PTPRD: variants seen among roughly 807,000 people sequenced by gnomAD.
The protein encoded by PTPRD is protein tyrosine phosphatase receptor type D.
Under a neutral mutation model 214.5 loss-of-function variants are expected in PTPRD, and 34 were observed. The observed-to-expected ratio is 0.16, with a 90% confidence interval of 0.12 to 0.21. The LOEUF (loss-of-function observed/expected upper bound fraction) is 0.21. Ranked by LOEUF, PTPRD falls within the 10% of genes least tolerant of loss-of-function variation. PTPRD has a pLI of 1.00. For missense variants in PTPRD, 2,545 were observed against 2,398.7 expected (o/e 1.06, Z -1.27); for synonymous variants, 1,128 against 845.7 (o/e 1.33, Z -5.79).
chr9:8,332,517 C>G (rs1842478522), intron 43 of PTPRD, among the ~76,000 whole-genome samples: 1 of 147,206 alleles, frequency 6.8e-6, no homozygotes, highest in African/African-American at 2.4e-5. Flanking sequence ...CTGTGGAGAG[C>G]TTTAACATAG....
At chr9:10,242,718 G>C (rs2091339302) in intron 3 of PTPRD, among the ~76,000 whole-genome samples, 1 of 150,470 alleles carries the variant, frequency 6.6e-6, no homozygotes, top group South Asian at 2.1e-4. Context: ...CTAGGGCTTA[G>C]ATTAGATCAA....
intron 3 of PTPRD, among the ~76,000 whole-genome samples, chr9:10,321,723 TTA>T (rs1228584757): frequency 1.3e-5 from 2 of 152,008 alleles, no homozygotes; most frequent in Non-Finnish European, 2.9e-5. Context: ...TAGGTCACAT[TTA>T]TGTTTGAAAC....
chr9:10,451,165 A>G (rs2098839103), intron 2 of PTPRD, among the ~76,000 whole-genome samples: 1 of 151,998 alleles, frequency 6.6e-6, no homozygotes, highest in Admixed American at 6.5e-5. Context: ...AGTTTAAAAC[A>G]CCTCAAGTGG....
At chr9:9,297,529 A>C (rs1263703435) in intron 9 of PTPRD, among the ~76,000 whole-genome samples, 1 of 151,706 alleles carries the variant, frequency 6.6e-6, no homozygotes, top group Non-Finnish European at 1.5e-5. Context: ...CTATCTTCCA[A>C]AAAGACATAT....
chr9:8,340,034 C>G (rs1421427183), intron 42 of PTPRD, among the ~76,000 whole-genome samples: 1 of 152,020 alleles, frequency 6.6e-6, no homozygotes, highest in Non-Finnish European at 1.5e-5. Context: ...CTGTCCAGAA[C>G]AAAAGGCAGT....
chr9:8,427,693 A>T (rs55922102), intron 35 of PTPRD, among the ~76,000 whole-genome samples: 11,057 of 150,326 alleles, frequency 0.074, 629 homozygotes, highest in African/African-American at 0.16. Flanking sequence ...TATTATTATT[A>T]TTTTTTTTTA....
At chr9:8,708,679 CAAAAAA>C (rs765081509) in intron 12 of PTPRD, among the ~76,000 whole-genome samples, 1 of 39,396 alleles carries the variant, frequency 2.5e-5, no homozygotes, top group African/African-American at 9.9e-5. Context: ...GACTCTGTCT[CAAAAAA>C]AAAAAAAAAA....
At position 8,538,993 on chromosome 9, in the gene PTPRD, T is replaced by C. The variant is rs190250439; in HGVS notation, c.353-10214A>G. Among the ~76,000 whole-genome samples, 7 of 151,980 alleles carry C rather than the reference T, an allele frequency of 4.6e-5. No individual in the cohort carries two copies. In the East Asian group the frequency reaches 1.4e-3, roughly 29 times the overall value. On this transcript the variant is annotated intron_variant, in intron 14 of 45. Transcript: ENST00000381196. ...GAACAAGCAAAGAAGACACAACTTATCCTGTTGTATAAGAAAATACTCAAA... is the reference window on the plus strand; with the variant it reads ...GAACAAGCAAAGAAGACACAACTTACCCTGTTGTATAAGAAAATACTCAAA...
chr9:8,496,092 C>G (rs920034498), intron 26 of PTPRD, among the ~76,000 whole-genome samples: 1 of 151,578 alleles, frequency 6.6e-6, no homozygotes, highest in East Asian at 1.9e-4. Context: ...CGTGACTATA[C>G]CACATGCTCA....
At chr9:10,429,004 T>G (rs1371692428) in intron 2 of PTPRD, among the ~76,000 whole-genome samples, 1 of 152,068 alleles carries the variant, frequency 6.6e-6, no homozygotes, top group Non-Finnish European at 1.5e-5. Context: ...GTCTGGGGCA[T>G]AGTAAATCCT....
intron 2 of PTPRD, among the ~76,000 whole-genome samples, chr9:10,412,586 T>C (rs12337488): frequency 0.084 from 12,644 of 150,238 alleles, 1,234 homozygotes; most frequent in East Asian, 0.54. Flanking sequence ...ATCATCCTGA[T>C]ACCAAAACCT....
At chr9:8,881,357 C>T (rs1338235326) in intron 11 of PTPRD, among the ~76,000 whole-genome samples, 1 of 152,164 alleles carries the variant, frequency 6.6e-6, no homozygotes, top group Non-Finnish European at 1.5e-5. Context: ...TTGTAAGGAA[C>T]TCACTTCTAA....
chr9:8,930,014 G>A (rs62529113), intron 11 of PTPRD, among the ~76,000 whole-genome samples: 87,064 of 136,080 alleles, frequency 0.64, 29,734 homozygotes, highest in East Asian at 0.92. Context: ...ACAACGTGCA[G>A]GTTTGTTACA....
chr9:8,560,645 C>A (rs2141241417), intron 14 of PTPRD, among the ~76,000 whole-genome samples: 1 of 152,208 alleles, frequency 6.6e-6, no homozygotes, highest in South Asian at 2.1e-4. Context: ...GAATGAATTA[C>A]CTTTGTAGTT....
chr9:8,518,659 G>A (rs2097831532), intron 20 of PTPRD, among the ~76,000 whole-genome samples: 2 of 152,264 alleles, frequency 1.3e-5, no homozygotes, highest in East Asian at 1.9e-4. Flanking sequence ...TTTTAGGCTT[G>A]TATCCAAATC....
chr9:8,513,862 G>T (rs1177286308), intron 21 of PTPRD, among the ~76,000 whole-genome samples: 1 of 152,010 alleles, frequency 6.6e-6, no homozygotes, highest in Non-Finnish European at 1.5e-5. Flanking sequence ...GGTTTTCTTA[G>T]CTTATTGAGC....
At chr9:9,977,588 A>C (rs770020001) in intron 4 of PTPRD, among the ~76,000 whole-genome samples, 1 of 152,194 alleles carries the variant, frequency 6.6e-6, no homozygotes, top group Non-Finnish European at 1.5e-5. Flanking sequence ...AAATACTAAG[A>C]TATAACAACT....
At chr9:10,119,593 T>C (rs2098758502) in intron 3 of PTPRD, among the ~76,000 whole-genome samples, 1 of 151,990 alleles carries the variant, frequency 6.6e-6, no homozygotes, top group Non-Finnish European at 1.5e-5. Context: ...TTTATTCAAG[T>C]CATTCATTAT....
chr9:8,678,228 C>T (rs566487803), intron 12 of PTPRD, among the ~76,000 whole-genome samples: 5 of 152,122 alleles, frequency 3.3e-5, no homozygotes, highest in South Asian at 2.1e-4. Context: ...TCATTTCACA[C>T]GAGGCTCCAC....
Sources: gnomAD v4.1 joint callset for allele counts (sites outside exome capture counted in the v4.1 genomes callset) on GRCh38, gnomAD v4.1.1 for gene constraint, MANE v1.5 for transcripts, NCBI Gene and HGNC (gene_info 2026-07-23, HGNC 2026-07-21) for gene names.